The following TMEM175 variants were observed in gnomAD, a reference collection of about 807,000 sequenced individuals.
TMEM175 encodes the protein transmembrane protein 175.
TMEM175 carries 36 observed loss-of-function variants against 36.5 expected under a neutral mutation model. The observed-to-expected ratio is 0.99, with a 90% CI of 0.76 to 1.30. The LOEUF is 1.30. TMEM175 is among the 50% of genes most tolerant of loss of function. The pLI, the probability that TMEM175 is intolerant of heterozygous loss-of-function variation, is 0.00. For synonymous variants in TMEM175, 339 were observed against 313.4 expected (o/e 1.08, Z -0.86); for missense variants, 705 against 692.8 (o/e 1.02, Z -0.20).
Position 932,508 on chromosome 4 carries a change from C to A in TMEM175, c.-64C>A, listed in dbSNP as rs758487337. The A allele has an allele frequency of 2.2e-6, 1 of 462,804 alleles. No homozygotes were observed. Among genetic ancestry groups the A allele is most frequent in the Non-Finnish European group, 3.7e-6 (1 of 267,308 alleles). 28.7% of individuals were successfully genotyped at this position (462,804 alleles called of 1,614,324 possible). The stretch of plus-strand genomic sequence containing the variant: ...GGCCGGGCTGACTCAAGCGGAGGCG[C>A]GCGGAACAGTCGCCGAGGCGATTCC... On this transcript the variant is annotated 5_prime_UTR_variant, in exon 1 of 11. Coordinates refer to ENST00000264771, the MANE Select transcript of TMEM175 (RefSeq NM_032326.4). This position sits in a 1 kb window ranked among gnomAD's most constrained non-coding sequence, Gnocchi z 4.0.
intron 3 of TMEM175, among the ~76,000 whole-genome samples, chr4:949,041 G>A (rs1728541349): frequency 6.6e-6 from 1 of 152,204 alleles, no homozygotes; most frequent in Non-Finnish European, 1.5e-5. Context: ...TGGGACCCCA[G>A]AGCCGCTCCC....
intron 10 of TMEM175, chr4:956,256 CT>C: frequency 8.1e-7 from 1 of 1,235,450 alleles, no homozygotes. Context: ...CCAGCCCCTC[CT>C]AGTCCCTAGT....
At chr4:951,789 C>A in intron 6 of TMEM175, 72 bp downstream of exon 6, 1 of 1,527,988 alleles carries the variant, frequency 6.5e-7, no homozygotes, top group Non-Finnish European at 9.1e-7. Context: ...TCCTCAAAAG[C>A]AGACCAGCTG....
intron 3 of TMEM175, 142 bp downstream of exon 3, chr4:948,296 C>T (rs1367856665): frequency 6.4e-7 from 1 of 1,564,346 alleles, no homozygotes; most frequent in Non-Finnish European, 8.6e-7. Context: ...CGGGGGCCTC[C>T]TTGGAAAGGG....
At chr4:948,442 G>C in intron 3 of TMEM175, 1 of 1,498,988 alleles carries the variant, frequency 6.7e-7, no homozygotes, top group Non-Finnish European at 8.9e-7. Context: ...AAGTGAGCCA[G>C]AGGACAGGTT....
intron 5 of TMEM175, 66 bp downstream of exon 5, chr4:951,324 G>T: frequency 6.3e-7 from 1 of 1,577,878 alleles, no homozygotes; most frequent in South Asian, 1.1e-5. Flanking sequence ...CAGGGAAGAG[G>T]GGAAGGGAGC....
chr4:957,771 G>A (rs1560502561), intron 10 of TMEM175, 53 bp from the exon 11 acceptor site: 1 of 1,539,458 alleles, frequency 6.5e-7, no homozygotes, highest in African/African-American at 1.4e-5. Flanking sequence ...CCCTGCTGGG[G>A]CCTGTGTGGC....
intron 6 of TMEM175, among the ~76,000 whole-genome samples, 200 bp from the exon 7 acceptor site, chr4:952,167 G>A (rs895641555): frequency 6.6e-6 from 1 of 152,214 alleles, no homozygotes; most frequent in Non-Finnish European, 1.5e-5. Flanking sequence ...TTAAAGGCCT[G>A]AGACATCTGG....
chr4:947,499 G>A (rs560985915), intron 1 of TMEM175, among the ~76,000 whole-genome samples: 8 of 152,312 alleles, frequency 5.3e-5, no homozygotes, highest in Admixed American at 2.0e-4. Context: ...TAACAGGGCC[G>A]GGAGTGGCAT....
chr4:958,241 C>G lies in TMEM175; in HGVS notation c.1260C>G (p.Phe420Leu). ...WFGGREHVLM[F>L]AKLALYPCAS... ...GCGGCCGGGAGCATGTGCTCATGTT[C>G]GCCAAGCTGGCGCTGTACCCCTGTG... Residue 420 changes from phenylalanine to leucine, a missense_variant, in exon 11 of 11, where the codon TTC (phenylalanine) becomes TTG (leucine). By Grantham distance (22) the Phe-to-Leu change is conservative. Transcript: ENST00000264771. 3 of 1,604,426 alleles carry G rather than the reference C, an allele frequency of 1.9e-6. No homozygotes were observed. Among genetic ancestry groups the G allele is most frequent in the Non-Finnish European group, 2.5e-6 (3 of 1,177,744 alleles).
At chr4:956,443 GTT>G (rs748261443) in intron 10 of TMEM175, 4,278 of 1,190,158 alleles carry the variant, frequency 3.6e-3, no homozygotes, top group Middle Eastern at 0.011. Context: ...TTTTTGTGGG[GTT>G]TTTTTTTTTT....
chr4:943,886 C>G (rs891608095), intron 1 of TMEM175, among the ~76,000 whole-genome samples: 16 of 152,194 alleles, frequency 1.1e-4, no homozygotes, highest in Non-Finnish European at 4.4e-5. Flanking sequence ...GAAATTACCA[C>G]ACAGCAACCA....
chr4:937,493 G>A (rs1726926098), intron 1 of TMEM175, among the ~76,000 whole-genome samples: 1 of 152,142 alleles, frequency 6.6e-6, no homozygotes, highest in Non-Finnish European at 1.5e-5. Context: ...GACCCAGGAG[G>A]TAGAGGTTGC....
rs183057659 is a variant in TMEM175, at chr4:936,336, A to G, written c.-32+3796A>G. ...AAAAAAAAAAGGAAACTAGAAAAGTAAGAGGAAATGAAACCCAAAGTGAAT... is the reference window on the plus strand; with the variant it reads ...AAAAAAAAAAGGAAACTAGAAAAGTGAGAGGAAATGAAACCCAAAGTGAAT... On this transcript the variant is annotated intron_variant, in intron 1 of 10. Coordinates refer to ENST00000264771, the MANE Select transcript of TMEM175 (RefSeq NM_032326.4). Among the ~76,000 whole-genome samples the G allele has an allele frequency of 6.6e-5, 10 of 152,150 alleles. No homozygotes were observed. The East Asian group carries it at 1.9e-3, about 29-fold the overall frequency.
intron 4 of TMEM175, among the ~76,000 whole-genome samples, chr4:950,846 G>A (rs1728791795): frequency 6.6e-6 from 1 of 151,730 alleles, no homozygotes; most frequent in Admixed American, 6.6e-5. Context: ...GGATGGTGCA[G>A]TAGGCGGAGG....
At position 947,699 on chromosome 4, in the gene TMEM175, T is replaced by C; in HGVS notation, c.-31-10T>C. On this transcript the variant is annotated splice_polypyrimidine_tract_variant and intron_variant, in intron 1 of 10. Coordinates refer to ENST00000264771, the MANE Select transcript of TMEM175 (RefSeq NM_032326.4). ...CCCACAGGCACACTCAGACCTGCCT[T>C]TCCTCCCAGGCTCCTGTAACCGCCA... The C allele has an allele frequency of 6.4e-7, 1 of 1,567,910 alleles. No individual in the cohort carries two copies. Among genetic ancestry groups the C allele is most frequent in the Non-Finnish European group, 8.6e-7 (1 of 1,156,400 alleles).
intron 1 of TMEM175, among the ~76,000 whole-genome samples, chr4:947,329 GCCCCAGGCACGCA>G (rs1182242799): frequency 6.6e-6 from 1 of 152,130 alleles, no homozygotes; most frequent in Non-Finnish European, 1.5e-5. Context: ...AGAACAGACA[GCCCCAGGCACGCA>G]TGCACGGTCA....
rs1370740592 is a variant in TMEM175 at position 956,076 on chromosome 4, T to G, written c.842+186T>G. ...GGAGGACAACCTTCCCGGCGGCCCCTCCCTTCCCAGCGGCCCCTCCCTTCC... is the reference window on the plus strand; with the variant it reads ...GGAGGACAACCTTCCCGGCGGCCCCGCCCTTCCCAGCGGCCCCTCCCTTCC... On this transcript the variant is annotated intron_variant, in intron 10 of 10. Transcript: ENST00000264771. The G allele has an allele frequency of 4.8e-6, 4 of 827,604 alleles. No homozygotes were observed. The Admixed American group carries it at 8.8e-5, about 18-fold the overall frequency. The allele number at this position is 827,604 out of a possible 1,614,324, so 51.3% of individuals were successfully genotyped here.
At chr4:948,469 G>A (rs138527558) in intron 3 of TMEM175, 15 of 1,454,094 alleles carry the variant, frequency 1.0e-5, no homozygotes, top group East Asian at 6.0e-5. Context: ...GGAAGGTTCC[G>A]GGCCTGCCCC....
Sources: allele counts gnomAD v4.1 joint callset (sites outside exome capture counted in the v4.1 genomes callset), GRCh38; gene constraint gnomAD v4.1.1; non-coding constraint Gnocchi (gnomAD v3.1); transcripts MANE v1.5; gene names NCBI Gene and HGNC (gene_info 2026-07-23, HGNC 2026-07-21).